SUCLA2: variants seen among roughly 807,000 people sequenced by gnomAD.
SUCLA2 encodes the protein succinate-CoA ligase ADP-forming subunit beta.
A neutral mutation model predicts 54.8 loss-of-function variants in SUCLA2; 30 were observed. That is an observed-to-expected ratio of 0.55 (90% confidence interval 0.41 to 0.74). The LOEUF is 0.74. Among genes scored for constraint, SUCLA2 ranks in the 30% least tolerant of loss-of-function variants. SUCLA2 has a pLI of 0.00. For synonymous variants in SUCLA2, 172 were observed against 188.9 expected, an observed-to-expected ratio of 0.91 and a Z score of 0.74; for missense variants, 476 against 562.9, an observed-to-expected ratio of 0.85 and a Z score of 1.56.
intron 4 of SUCLA2, among the ~76,000 whole-genome samples, chr13:47,978,397 C>G (rs1195611816): frequency 6.6e-6 from 1 of 152,042 alleles, no homozygotes; most frequent in African/African-American, 2.4e-5. Context: ...ACAAACCTGA[C>G]AAAAACAAGC....
intron 10 of SUCLA2, among the ~76,000 whole-genome samples, chr13:47,944,098 TAAG>T (rs769597616): frequency 5.3e-5 from 8 of 150,114 alleles, no homozygotes; most frequent in Non-Finnish European, 1.0e-4. Context: ...GTAAATTAGT[TAAG>T]AAAAGGCTTT....
chr13:47,981,716 T>C (rs1950061488), intron 4 of SUCLA2, among the ~76,000 whole-genome samples: 1 of 152,204 alleles, frequency 6.6e-6, no homozygotes, highest in Non-Finnish European at 1.5e-5. Flanking sequence ...CTCAGAAGGC[T>C]GAGGCAGAAG....
intron 2 of SUCLA2, chr13:47,991,574 T>C (rs927870617): frequency 6.6e-6 from 1 of 152,250 alleles, no homozygotes. Flanking sequence ...ATATCATTTG[T>C]TGTTTTGCTT....
At chr13:47,999,824 T>G (rs890766300) in intron 1 of SUCLA2, among the ~76,000 whole-genome samples, 3 of 152,130 alleles carry the variant, frequency 2.0e-5, no homozygotes, top group Non-Finnish European at 2.9e-5. Flanking sequence ...AGGGTTGGAC[T>G]AAGGTCCTTC....
At chr13:47,961,323 T>C (rs964213973) in intron 6 of SUCLA2, among the ~76,000 whole-genome samples, 1 of 152,148 alleles carries the variant, frequency 6.6e-6, no homozygotes, top group African/African-American at 2.4e-5. Flanking sequence ...GCTATCTTTA[T>C]TACATCTTAT....
chr13:47,965,978 G>A (rs555173965), intron 6 of SUCLA2, among the ~76,000 whole-genome samples: 1 of 152,288 alleles, frequency 6.6e-6, no homozygotes, highest in South Asian at 2.1e-4. Flanking sequence ...AACCCGGGAG[G>A]TGGAGCTTGC....
At chr13:47,969,823 T>C (rs12864691) in intron 5 of SUCLA2, among the ~76,000 whole-genome samples, 35,168 of 152,046 alleles carry the variant, frequency 0.23, 4,841 homozygotes, top group African/African-American at 0.39. Context: ...CAATGTAGGC[T>C]GGGCGCAGTG....
At chr13:47,949,375 C>A in intron 9 of SUCLA2, 108 bp downstream of exon 9, 1 of 1,295,902 alleles carries the variant, frequency 7.7e-7, no homozygotes, top group Non-Finnish European at 1.1e-6. Context: ...TTGTATAATG[C>A]TTTCAAAGAC....
intron 6 of SUCLA2, among the ~76,000 whole-genome samples, chr13:47,957,718 T>C (rs1310909406): frequency 1.3e-5 from 2 of 152,192 alleles, no homozygotes; most frequent in East Asian, 3.8e-4. Flanking sequence ...AAGAACATTC[T>C]TGGAGGTTTT....
intron 6 of SUCLA2, among the ~76,000 whole-genome samples, chr13:47,963,719 C>G (rs1470064788): frequency 6.6e-6 from 1 of 151,902 alleles, no homozygotes; most frequent in Non-Finnish European, 1.5e-5. Context: ...CATATACATA[C>G]ACATACACAC....
At chr13:47,950,214 T>C (rs1336692335) in intron 8 of SUCLA2, among the ~76,000 whole-genome samples, 1 of 152,328 alleles carries the variant, frequency 6.6e-6, no homozygotes, top group Admixed American at 6.5e-5. Context: ...GTCACAAGTT[T>C]GACAAGAGGG....
At position 47,973,253 on chromosome 13, in the gene SUCLA2, A is replaced by G. The variant is rs1949983071; in HGVS notation, c.663+11T>C. On this transcript the variant is annotated intron_variant, in intron 5 of 10. Transcript: ENST00000646932. ...ATCATAAGCTAGAAATTTTTCAGGA[A>G]TACAACATACCTGGAGAGCTTGTTC... The G allele has an allele frequency of 6.8e-6, 11 of 1,611,030 alleles. No individual in the cohort carries two copies. The highest frequency in any genetic ancestry group is 9.3e-6 in the Non-Finnish European group (11 of 1,178,760).
chr13:47,984,172 A>G (rs932259564), intron 4 of SUCLA2, among the ~76,000 whole-genome samples: 13 of 152,008 alleles, frequency 8.6e-5, no homozygotes, highest in African/African-American at 3.1e-4. Flanking sequence ...AATTTCAAAT[A>G]TATTAATAAT....
rs114758280 is a variant in SUCLA2, at chr13:47,996,303, A to G, written c.271+540T>C. On this transcript the variant is annotated intron_variant, in intron 2 of 10. Transcript: ENST00000646932. ...GCACCATTGCACTCCAACCTGGGCA[A>G]TAAGAATGAAACTCCGTCTCAAAAA... Among the ~76,000 whole-genome samples, 834 of 150,330 alleles carry G rather than the reference A, an allele frequency of 5.5e-3. 5 individuals are homozygous for G. The highest frequency in any genetic ancestry group is 0.018 in the African/African-American group (731 of 40,880).
At chr13:47,994,261 C>T (rs1950173861) in intron 2 of SUCLA2, among the ~76,000 whole-genome samples, 1 of 151,750 alleles carries the variant, frequency 6.6e-6, no homozygotes, top group African/African-American at 2.4e-5. Flanking sequence ...CTTTTGTTAT[C>T]AATGACTCAC....
At chr13:47,968,541 A>C in intron 6 of SUCLA2, 54 bp downstream of exon 6, 1 of 1,597,732 alleles carries the variant, frequency 6.3e-7, no homozygotes, top group Non-Finnish European at 8.6e-7. Flanking sequence ...TCCTTAGGGA[A>C]GCATATTAGA....
In SUCLA2 at chr13:47,954,255, G is replaced by T; in HGVS notation, c.992C>A (p.Thr331Lys). Residue 331 changes from threonine to lysine, a missense_variant, in exon 8 of 11, where the codon ACA (threonine) becomes AAA (lysine). By Grantham distance (78) the Thr-to-Lys change is moderately conservative. This residue lies in a region of SUCLA2 where 342 missense variants were observed against 444.2 expected (regional missense o/e 0.77). Transcript: ENST00000646932. ...LVNGAGLAMA[T>K]MDIIKLHGGT... is the part of the protein sequence containing the mutation. ...TCCATGAAGTTTTATTATATCCATT[G>T]TGGCCATAGCCAAACCAGCACCATT... 6.2e-7 allele frequency: 1 copy of T among 1,613,878 alleles called. No individual in the cohort carries two copies. Among genetic ancestry groups the T allele is most frequent in the Non-Finnish European group, 8.5e-7 (1 of 1,179,860 alleles).
intron 5 of SUCLA2, 84 bp downstream of exon 5, chr13:47,973,180 G>T: frequency 1.7e-6 from 2 of 1,210,950 alleles, no homozygotes; most frequent in South Asian, 1.3e-5. Flanking sequence ...AATAAGTTTT[G>T]ACAATTACTT....
intron 5 of SUCLA2, 92 bp downstream of exon 5, chr13:47,973,172 T>C: frequency 8.8e-7 from 1 of 1,139,140 alleles, no homozygotes; most frequent in East Asian, 2.4e-5. Flanking sequence ...AATGTTTAAA[T>C]AAGTTTTGAC....
Sources: allele counts gnomAD v4.1 joint callset (sites outside exome capture counted in the v4.1 genomes callset), GRCh38; gene constraint gnomAD v4.1.1; regional missense constraint gnomAD v4.1.1; transcripts MANE v1.5; gene names NCBI Gene and HGNC (gene_info 2026-07-23, HGNC 2026-07-21).